Variants in KCNH5 observed in about 807,000 individuals in gnomAD.
The protein encoded by KCNH5 is potassium voltage-gated channel subfamily H member 5, also known as voltage-gated delayed rectifier potassium channel KCNH5.
A neutral mutation model predicts 96.1 loss-of-function variants in KCNH5; 46 were observed. The observed-to-expected ratio is 0.48, with a 90% CI of 0.38 to 0.61. The LOEUF (loss-of-function observed/expected upper bound fraction) is 0.61, where lower values mean the gene tolerates loss of function less well. Ranked by LOEUF, KCNH5 falls within the 20% of genes least tolerant of loss-of-function variation. The pLI is 0.00. For synonymous variants in KCNH5, 439 were observed against 449.8 expected, an observed-to-expected ratio of 0.98 and a Z score of 0.30; for missense variants, 907 against 1,225.8, an observed-to-expected ratio of 0.74 and a Z score of 3.88.
chr14:62,882,761 A>T (rs576547700), intron 7 of KCNH5, among the ~76,000 whole-genome samples: 5 of 152,336 alleles, frequency 3.3e-5, no homozygotes, highest in African/African-American at 1.2e-4. Context: ...ATTGAGGAAC[A>T]TAACTCTTCA....
At chr14:62,865,184 G>A (rs1343894834) in intron 7 of KCNH5, among the ~76,000 whole-genome samples, 1 of 152,102 alleles carries the variant, frequency 6.6e-6, no homozygotes, top group Non-Finnish European at 1.5e-5. Flanking sequence ...TACGTGAGTT[G>A]GCAGGGCTTG....
At position 62,799,691 on chromosome 14, in the gene KCNH5, TTATATATATATA is replaced by T. The variant is rs71410693; in HGVS notation, c.1822+2626_1822+2637del. The stretch of plus-strand genomic sequence containing the variant: ...ATATATCTTTTCTATGTATATACCT[TTATATATATATA>T]TATATATATATATATATATATATAC... On this transcript the variant is annotated intron_variant, in intron 9 of 10. Transcript: ENST00000322893. Among the ~76,000 whole-genome samples the T allele has an allele frequency of 5.2e-4, 30 of 58,018 alleles. No individual in the cohort carries two copies. In the East Asian group the frequency reaches 6.4e-3, roughly 12 times the overall value. 38.1% of individuals were successfully genotyped at this position (58,018 alleles called of 152,430 possible). A position where few individuals can be genotyped will look rare whatever the true frequency, so the allele number is the denominator to read the frequency against.
At chr14:62,969,593 G>A (rs1950977) in intron 6 of KCNH5, among the ~76,000 whole-genome samples, 1 of 151,760 alleles carries the variant, frequency 6.6e-6, no homozygotes, top group East Asian at 1.9e-4. Context: ...ATGGGGGGCT[G>A]CCAGGGACGG....
At chr14:62,712,865 T>C (rs1000347435) in intron 10 of KCNH5, 1 of 649,358 alleles carries the variant, frequency 1.5e-6, no homozygotes, top group Admixed American at 2.6e-5. Flanking sequence ...TGCTACCATT[T>C]TGCAGCTTCT....
At chr14:62,904,003 A>T (rs1888980409) in intron 7 of KCNH5, among the ~76,000 whole-genome samples, 2 of 152,142 alleles carry the variant, frequency 1.3e-5, no homozygotes, top group South Asian at 4.1e-4. Context: ...AGAAACTAAA[A>T]CATCTTTGGT....
chr14:63,041,180 C>A (rs1891817526), intron 1 of KCNH5, among the ~76,000 whole-genome samples: 1 of 152,036 alleles, frequency 6.6e-6, no homozygotes, highest in Non-Finnish European at 1.5e-5. Context: ...TGCCCAAAGA[C>A]AAAATCAGGT....
chr14:62,934,723 C>A (rs1457352382), intron 7 of KCNH5, among the ~76,000 whole-genome samples: 2 of 152,104 alleles, frequency 1.3e-5, no homozygotes, highest in Non-Finnish European at 2.9e-5. Context: ...TTTTTTAAAG[C>A]CCATAGCCAA....
chr14:62,726,176 T>C (rs1042536292), intron 10 of KCNH5, among the ~76,000 whole-genome samples: 1 of 152,128 alleles, frequency 6.6e-6, no homozygotes, highest in African/African-American at 2.4e-5. Flanking sequence ...TGTAATGTGA[T>C]ACGTAAAAAA....
chr14:62,989,873 G>A (rs1890777683), intron 4 of KCNH5, among the ~76,000 whole-genome samples: 1 of 152,022 alleles, frequency 6.6e-6, no homozygotes, highest in African/African-American at 2.4e-5. Flanking sequence ...AGTGGTGAGG[G>A]CGTCTTTGGA....
chr14:62,977,626 G>A (rs1411078506), intron 6 of KCNH5, among the ~76,000 whole-genome samples: 1 of 152,096 alleles, frequency 6.6e-6, no homozygotes, highest in Non-Finnish European at 1.5e-5. Flanking sequence ...ATTTGAAAAT[G>A]GTTGCCTCTA....
At chr14:62,917,580 G>C (rs1889300192) in intron 7 of KCNH5, among the ~76,000 whole-genome samples, 1 of 152,118 alleles carries the variant, frequency 6.6e-6, no homozygotes, top group African/African-American at 2.4e-5. Context: ...AATTGTACAT[G>C]TAAAATCCTG....
At chr14:62,914,682 C>T (rs1889240038) in intron 7 of KCNH5, among the ~76,000 whole-genome samples, 2 of 152,180 alleles carry the variant, frequency 1.3e-5, no homozygotes, top group Non-Finnish European at 2.9e-5. Flanking sequence ...AACTAGAAGA[C>T]ACCATCTATG....
At chr14:63,025,093 TA>T (rs1691741252) in intron 1 of KCNH5, among the ~76,000 whole-genome samples, 1 of 152,126 alleles carries the variant, frequency 6.6e-6, no homozygotes, top group African/African-American at 2.4e-5. Flanking sequence ...TGCAAATCAA[TA>T]AATATGATAG....
intron 7 of KCNH5, among the ~76,000 whole-genome samples, chr14:62,934,411 C>G (rs930037553): frequency 1.3e-5 from 2 of 152,168 alleles, no homozygotes; most frequent in Non-Finnish European, 2.9e-5. Flanking sequence ...ATTTCATAAT[C>G]AAATGCTGCC....
intron 1 of KCNH5, among the ~76,000 whole-genome samples, chr14:63,036,502 CA>C (rs11444957): frequency 1.5e-3 from 214 of 138,906 alleles, no homozygotes; most frequent in African/African-American, 2.7e-3. Context: ...ACGGGAGATA[CA>C]AAAAAAAAAA....
At chr14:62,773,587 C>T (rs1886035157) in intron 10 of KCNH5, among the ~76,000 whole-genome samples, 1 of 152,164 alleles carries the variant, frequency 6.6e-6, no homozygotes, top group Non-Finnish European at 1.5e-5. Flanking sequence ...CTGTGCCACA[C>T]TTCAACAAAG....
At chr14:62,963,694 G>C (rs1448969303) in intron 6 of KCNH5, among the ~76,000 whole-genome samples, 2 of 152,126 alleles carry the variant, frequency 1.3e-5, no homozygotes, top group Non-Finnish European at 2.9e-5. Flanking sequence ...CTGCTTTACT[G>C]AATGTACTGA....
chr14:63,004,614 G>A (rs998423824), intron 3 of KCNH5, among the ~76,000 whole-genome samples: 15 of 152,182 alleles, frequency 9.9e-5, no homozygotes, highest in Non-Finnish European at 1.3e-4. Context: ...TTTTGTTGTG[G>A]TGGTTGTCAT....
chr14:62,957,362 A>C (rs1890123542), intron 6 of KCNH5, among the ~76,000 whole-genome samples: 1 of 152,208 alleles, frequency 6.6e-6, no homozygotes. Context: ...TTTCTTGTCC[A>C]AGGACACGTT....
Sources: allele counts gnomAD v4.1 joint callset (sites outside exome capture counted in the v4.1 genomes callset), GRCh38; gene constraint gnomAD v4.1.1; transcripts MANE v1.5; gene names NCBI Gene and HGNC (gene_info 2026-07-23, HGNC 2026-07-21).